The following KDM4C variants were observed in gnomAD, a reference collection of about 807,000 sequenced individuals.
The protein encoded by KDM4C is lysine-specific demethylase 4C.
KDM4C carries 81 observed loss-of-function variants against 129.3 expected under a neutral mutation model. The ratio of observed to expected loss-of-function variants is 0.63; its 90% CI spans 0.52 to 0.75. The LOEUF is 0.75. Among genes scored for constraint, KDM4C ranks in the 30% least tolerant of loss-of-function variants. KDM4C has a pLI of 0.00. For missense variants in KDM4C, 1,457 were observed against 1,304.0 expected (o/e 1.12, Z -1.81); for synonymous variants, 573 against 456.1 (o/e 1.26, Z -3.26).
At chr9:7,133,126 C>T (rs1406364970) in intron 19 of KDM4C, among the ~76,000 whole-genome samples, 1 of 152,192 alleles carries the variant, frequency 6.6e-6, no homozygotes, top group South Asian at 2.1e-4. Context: ...TTTTTTTCCC[C>T]TACTAATTTG....
intron 5 of KDM4C, among the ~76,000 whole-genome samples, chr9:6,877,670 T>G (rs898842301): frequency 5.3e-5 from 8 of 152,238 alleles, no homozygotes; most frequent in Admixed American, 5.2e-4. Flanking sequence ...TGGAGGCATA[T>G]TGCTTCTTGA....
chr9:6,993,796 G>T (rs958619670), intron 12 of KDM4C, among the ~76,000 whole-genome samples: 4 of 152,212 alleles, frequency 2.6e-5, no homozygotes, highest in Admixed American at 6.5e-5. Flanking sequence ...GAGGATGCCT[G>T]CTCAGAAGCT....
At position 6,815,346 on chromosome 9, in the gene KDM4C, C is replaced by G. The variant is rs138072888; in HGVS notation, c.435+601C>G. On this transcript the variant is annotated intron_variant, in intron 4 of 21. Transcript: ENST00000381309. ...TGTCTTTTGAAACCTTCTATGCCCTCTCTCATTATTTTCTTTTTTAATTTA... is the reference window on the plus strand; with the variant it reads ...TGTCTTTTGAAACCTTCTATGCCCTGTCTCATTATTTTCTTTTTTAATTTA... Among the ~76,000 whole-genome samples the G allele has an allele frequency of 1.8e-4, 27 of 152,102 alleles. 1 individual carries two copies. In the East Asian group the frequency reaches 5.0e-3, roughly 28 times the overall value.
intron 8 of KDM4C, among the ~76,000 whole-genome samples, chr9:6,922,006 C>G (rs375454009): frequency 2.6e-5 from 4 of 152,340 alleles, no homozygotes; most frequent in East Asian, 3.9e-4. Context: ...AATTGGAACC[C>G]TCTTCACAAT....
intron 17 of KDM4C, among the ~76,000 whole-genome samples, chr9:7,084,046 C>G (rs1442444742): frequency 6.6e-6 from 1 of 152,048 alleles, no homozygotes; most frequent in Non-Finnish European, 1.5e-5. Context: ...CTCTGGGTAA[C>G]CTAGTGTTTG....
At chr9:6,912,485 T>G (rs924545154) in intron 8 of KDM4C, among the ~76,000 whole-genome samples, 1 of 152,150 alleles carries the variant, frequency 6.6e-6, no homozygotes, top group African/African-American at 2.4e-5. Flanking sequence ...GTAGAATGAA[T>G]GAATACAAAT....
chr9:6,854,914 T>C (rs1338921917), intron 5 of KDM4C, among the ~76,000 whole-genome samples: 1 of 152,196 alleles, frequency 6.6e-6, no homozygotes, highest in Non-Finnish European at 1.5e-5. Flanking sequence ...CTTGGGCAAT[T>C]ATTAAATAAC....
At chr9:7,079,285 C>T (rs1834264427) in intron 17 of KDM4C, among the ~76,000 whole-genome samples, 1 of 152,090 alleles carries the variant, frequency 6.6e-6, no homozygotes, top group South Asian at 2.1e-4. Context: ...TAAAGAATAG[C>T]CCCATTATAT....
intron 12 of KDM4C, among the ~76,000 whole-genome samples, chr9:6,997,015 T>C (rs1018747944): frequency 2.0e-5 from 3 of 147,836 alleles, no homozygotes; most frequent in South Asian, 2.1e-4. Context: ...AAGGATAATA[T>C]CTCTCCATGC....
At chr9:6,803,586 G>A (rs1564045867) in intron 2 of KDM4C, among the ~76,000 whole-genome samples, 1 of 147,302 alleles carries the variant, frequency 6.8e-6, no homozygotes, top group Non-Finnish European at 1.5e-5. Context: ...AAAAAAAAAA[G>A]TTTGTTTTAA....
At chr9:6,900,334 C>T (rs911591098) in intron 8 of KDM4C, among the ~76,000 whole-genome samples, 4 of 152,206 alleles carry the variant, frequency 2.6e-5, no homozygotes, top group South Asian at 2.1e-4. Context: ...CTTAAATAAG[C>T]GCCAGCCACG....
chr9:6,961,646 A>G (rs141757538), intron 8 of KDM4C, among the ~76,000 whole-genome samples: 1 of 152,236 alleles, frequency 6.6e-6, no homozygotes, highest in Non-Finnish European at 1.5e-5. Flanking sequence ...TATTTATCAT[A>G]GTAATCCTTG....
intron 4 of KDM4C, among the ~76,000 whole-genome samples, chr9:6,821,360 T>C (rs1044742803): frequency 6.6e-6 from 1 of 152,170 alleles, no homozygotes; most frequent in Non-Finnish European, 1.5e-5. Flanking sequence ...GTTCCTATTT[T>C]TCCACATCCT....
chr9:7,044,995 C>T (rs1375205670), intron 15 of KDM4C, among the ~76,000 whole-genome samples: 1 of 151,836 alleles, frequency 6.6e-6, no homozygotes, highest in Non-Finnish European at 1.5e-5. Context: ...GTCAGGTGAA[C>T]CAAGGACTTG....
chr9:6,925,002 T>C (rs1822218878), intron 8 of KDM4C: 1 of 985,330 alleles, frequency 1.0e-6, no homozygotes, highest in South Asian at 4.7e-5. Flanking sequence ...TAGTGAATCT[T>C]AGGCTTCCTA....
chr9:7,022,637 C>T (rs373928704), intron 15 of KDM4C, among the ~76,000 whole-genome samples: 24 of 133,918 alleles, frequency 1.8e-4, no homozygotes, highest in Non-Finnish European at 2.9e-4. Flanking sequence ...CCCTTTATTT[C>T]TTTTTTTTTT....
At chr9:7,134,524 T>A (rs1246655048) in intron 19 of KDM4C, among the ~76,000 whole-genome samples, 1 of 152,218 alleles carries the variant, frequency 6.6e-6, no homozygotes, top group African/African-American at 2.4e-5. Context: ...CTCACAAATG[T>A]CACAATTTTT....
intron 4 of KDM4C, among the ~76,000 whole-genome samples, chr9:6,823,682 C>A (rs1367447218): frequency 6.6e-6 from 1 of 152,222 alleles, no homozygotes; most frequent in African/African-American, 2.4e-5. Flanking sequence ...TCATTGGTCT[C>A]CTACCCTGAG....
intron 19 of KDM4C, among the ~76,000 whole-genome samples, chr9:7,135,598 C>G (rs990486339): frequency 1.4e-5 from 2 of 142,522 alleles, no homozygotes; most frequent in Admixed American, 1.4e-4. Flanking sequence ...GTTGTCCGTT[C>G]TGAGCTATGT....
Sources: allele counts gnomAD v4.1 joint callset (sites outside exome capture counted in the v4.1 genomes callset), GRCh38; gene constraint gnomAD v4.1.1; transcripts MANE v1.5; gene names NCBI Gene and HGNC (gene_info 2026-07-23, HGNC 2026-07-21).